BRINP1: variants seen among roughly 807,000 people sequenced by gnomAD.
BRINP1 encodes BMP/retinoic acid-inducible neural-specific protein 1.
In BRINP1, 17 loss-of-function variants were observed where a neutral mutation model predicts 72.9. The ratio of observed to expected loss-of-function variants is 0.23; its 90% CI spans 0.16 to 0.35. BRINP1 has a LOEUF of 0.35. BRINP1 is among the 10% of genes least tolerant of loss of function. The pLI is 1.00. For synonymous variants in BRINP1, 418 were observed against 378.5 expected (o/e 1.10, Z -1.21); for missense variants, 850 against 1,001.6 (o/e 0.85, Z 2.04).
intron 5 of BRINP1, among the ~76,000 whole-genome samples, chr9:119,217,926 G>T (rs980703068): frequency 6.6e-6 from 1 of 151,744 alleles, no homozygotes; most frequent in Non-Finnish European, 1.5e-5. Flanking sequence ...CCTGTGCACC[G>T]AATATTCTCT....
intron 1 of BRINP1, among the ~76,000 whole-genome samples, chr9:119,363,651 C>T (rs1831658020): frequency 1.3e-5 from 2 of 152,192 alleles, no homozygotes; most frequent in Non-Finnish European, 2.9e-5. Flanking sequence ...TCATCTCGCT[C>T]CTCTAGAGTG....
In BRINP1 at chr9:119,195,716, G is replaced by A. The variant is rs537935228; in HGVS notation, c.1145+13003C>T. Among the ~76,000 whole-genome samples the A allele has an allele frequency of 7.9e-5, 12 of 152,324 alleles. No homozygotes were observed. In the South Asian group the frequency reaches 2.5e-3, roughly 32 times the overall value. On this transcript the variant is annotated intron_variant, in intron 7 of 7. Coordinates refer to ENST00000265922, the MANE Select transcript of BRINP1 (RefSeq NM_014618.3). The stretch of plus-strand genomic sequence containing the variant: ...CCACCTCTCAGCAGGGGTGGTACCT[G>A]CAGGGAGACAAAGCCATTAGCATCT...
intron 4 of BRINP1, among the ~76,000 whole-genome samples, chr9:119,241,173 A>C (rs1431503667): frequency 6.6e-6 from 1 of 152,204 alleles, no homozygotes; most frequent in Non-Finnish European, 1.5e-5. Flanking sequence ...AAACTTAAAC[A>C]ATGAGCTCCT....
intron 7 of BRINP1, among the ~76,000 whole-genome samples, chr9:119,179,166 G>A (rs1264116082): frequency 6.6e-6 from 1 of 152,160 alleles, no homozygotes; most frequent in Non-Finnish European, 1.5e-5. Context: ...CACAAAGGCT[G>A]ACACAACCCC....
intron 2 of BRINP1, among the ~76,000 whole-genome samples, chr9:119,276,581 C>T (rs760376076): frequency 5.3e-5 from 8 of 152,138 alleles, no homozygotes; most frequent in South Asian, 2.1e-4. Flanking sequence ...ATTAACCCAT[C>T]GGTGGATATG....
intron 3 of BRINP1, among the ~76,000 whole-genome samples, chr9:119,247,637 G>A (rs1830336306): frequency 1.7e-5 from 2 of 120,520 alleles, no homozygotes; most frequent in Non-Finnish European, 1.6e-5. Context: ...CATCCTAGGC[G>A]ACAGAGCGAG....
intron 5 of BRINP1, among the ~76,000 whole-genome samples, chr9:119,238,292 A>G (rs1378344665): frequency 6.6e-6 from 1 of 152,200 alleles, no homozygotes; most frequent in Non-Finnish European, 1.5e-5. Context: ...TTTAAAGGAT[A>G]TATTTTCTTT....
rs186410125 is a variant in BRINP1, at chr9:119,235,086, C to T, written c.685+3569G>A. 9.7e-4 allele frequency among the ~76,000 whole-genome samples: 147 copies of T among 152,186 alleles called. 1 individual carries two copies. The highest frequency in any genetic ancestry group is 4.9e-4 in the Non-Finnish European group (33 of 67,988). On this transcript the variant is annotated intron_variant, in intron 5 of 7. Transcript: ENST00000265922. Reference sequence around the variant, plus strand: ...AACTGGTACCCCCATGGTCTAAATCCGTGGCATTTCCTCTTGAGTTCTGTA... The same window carrying T: ...AACTGGTACCCCCATGGTCTAAATCTGTGGCATTTCCTCTTGAGTTCTGTA...
At chr9:119,286,705 A>G (rs1317858713) in intron 2 of BRINP1, among the ~76,000 whole-genome samples, 1 of 152,216 alleles carries the variant, frequency 6.6e-6, no homozygotes, top group Non-Finnish European at 1.5e-5. Flanking sequence ...TTTAAATGTC[A>G]AAAGAATGCC....
chr9:119,326,844 G>A (rs558832631), intron 1 of BRINP1, among the ~76,000 whole-genome samples: 5 of 152,168 alleles, frequency 3.3e-5, no homozygotes, highest in East Asian at 1.9e-4. Context: ...TGTGGAACAC[G>A]GGCCCCTAAA....
chr9:119,340,724 C>T (rs1442792566), intron 1 of BRINP1, among the ~76,000 whole-genome samples: 1 of 152,158 alleles, frequency 6.6e-6, no homozygotes, highest in Non-Finnish European at 1.5e-5. Flanking sequence ...GCCAAATGCC[C>T]AACCTATGAT....
intron 7 of BRINP1, among the ~76,000 whole-genome samples, chr9:119,205,195 G>A (rs1044891217): frequency 6.6e-6 from 1 of 152,156 alleles, no homozygotes; most frequent in Non-Finnish European, 1.5e-5. Flanking sequence ...CCCGTCCAAG[G>A]AAGTTCATCT....
intron 7 of BRINP1, among the ~76,000 whole-genome samples, chr9:119,169,782 C>T (rs1016045258): frequency 6.6e-6 from 1 of 152,246 alleles, no homozygotes; most frequent in Non-Finnish European, 1.5e-5. Flanking sequence ...AGCTGGAGAT[C>T]TGAGAACGGG....
chr9:119,239,414 T>C (rs1046718609), intron 4 of BRINP1, among the ~76,000 whole-genome samples: 2 of 152,340 alleles, frequency 1.3e-5, no homozygotes, highest in African/African-American at 4.8e-5. Flanking sequence ...TTCCAAAACA[T>C]TGTCTTAGAA....
At position 119,369,287 on chromosome 9, in the gene BRINP1, C is replaced by T. The variant is rs975931756; in HGVS notation, c.-282G>A. On this transcript the variant is annotated 5_prime_UTR_variant, in exon 1 of 8. Coordinates refer to ENST00000265922, the MANE Select transcript of BRINP1 (RefSeq NM_014618.3). ...GGCTCCGGAAGGCGGTCACTACTCC[C>T]TCTGCCTCCCGGCTCTCTCGCTCTC... 7.5e-6 allele frequency: 3 copies of T among 398,832 alleles called. No homozygotes were observed. The highest frequency in any genetic ancestry group is 6.2e-5 in the African/African-American group (3 of 48,656). 24.7% of individuals were successfully genotyped at this position (398,832 alleles called of 1,614,324 possible).
At chr9:119,247,628 A>G (rs1178426261) in intron 3 of BRINP1, among the ~76,000 whole-genome samples, 1 of 134,602 alleles carries the variant, frequency 7.4e-6, no homozygotes. Context: ...ACTGCACTCC[A>G]TCCTAGGCGA....
At chr9:119,308,865 C>T (rs1204745726) in intron 2 of BRINP1, among the ~76,000 whole-genome samples, 1 of 152,078 alleles carries the variant, frequency 6.6e-6, no homozygotes, top group Non-Finnish European at 1.5e-5. Context: ...CCAGAATCTC[C>T]CCTTTGCCCT....
In BRINP1 at chr9:119,313,388, G is replaced by C; in HGVS notation, c.-33C>G. 1 of 1,611,278 alleles carries C rather than the reference G, an allele frequency of 6.2e-7. No individual in the cohort carries two copies. Among genetic ancestry groups the C allele is most frequent in the East Asian group, 2.2e-5 (1 of 44,862 alleles). On this transcript the variant is annotated 5_prime_UTR_variant, in exon 2 of 8. Transcript: ENST00000265922. ...TGCCGGCCTTTTTCCTCTCATTCTT[G>C]CTCCATTCTGTGGAGTCCTATAGAA...
intron 6 of BRINP1, among the ~76,000 whole-genome samples, chr9:119,210,852 T>A (rs1237050757): frequency 6.6e-6 from 1 of 152,186 alleles, no homozygotes; most frequent in African/African-American, 2.4e-5. Flanking sequence ...ATGCTGAGAA[T>A]GACATAGTGG....
Sources: gnomAD v4.1 joint callset for allele counts (sites outside exome capture counted in the v4.1 genomes callset) on GRCh38, gnomAD v4.1.1 for gene constraint, MANE v1.5 for transcripts, NCBI Gene and HGNC (gene_info 2026-07-23, HGNC 2026-07-21) for gene names.